SIGIRR: variants seen among roughly 807,000 people sequenced by gnomAD.
The protein encoded by SIGIRR is single Ig and TIR domain containing.
In SIGIRR, 41 loss-of-function variants were observed where a neutral mutation model predicts 45.6. The ratio of observed to expected loss-of-function variants is 0.90; its 90% CI spans 0.70 to 1.17. The LOEUF is 1.17. Ranked by LOEUF, SIGIRR falls within the 50% of genes most tolerant of loss-of-function variation. The pLI, the probability that SIGIRR is intolerant of heterozygous loss-of-function variation, is 0.00. For synonymous variants in SIGIRR, 298 were observed against 239.0 expected (o/e 1.25, Z -2.28); for missense variants, 599 against 539.6 (o/e 1.11, Z -1.09).
Position 410,157 on chromosome 11 carries a change from G to A in SIGIRR, c.-153-130C>T, listed in dbSNP as rs113457437. The A allele has an allele frequency of 1.1e-3, 913 of 816,706 alleles. 10 individuals are homozygous for A. In the African/African-American group the frequency reaches 0.015, roughly 13 times the overall value. The allele number at this position is 816,706 out of a possible 1,614,324, so 50.6% of individuals were successfully genotyped here. ...CCGCATGGATGCTGGCAGAGTTCTC[G>A]GAGGCCAGCAGGGTGTCTCTTTGAG... On this transcript the variant is annotated intron_variant, in intron 1 of 9. Coordinates refer to ENST00000431843, the MANE Select transcript of SIGIRR (RefSeq NM_001135054.2).
rs779810175 is a variant in SIGIRR at position 408,142 on chromosome 11, C to T, written c.271G>A (p.Glu91Lys). The T allele has an allele frequency of 3.0e-5, 49 of 1,612,694 alleles. No homozygotes were observed. Among genetic ancestry groups the T allele is most frequent in the Admixed American group, 5.0e-5 (3 of 60,004 alleles). The part of the protein sequence containing the change: ...SVLGVNVTST[E>K]VYGAFTCSIQ... ...GAGCAGGTGAAGGCCCCATAGACTT[C>T]AGTGCTGGTCACGTTGACCCCCAGG... is the stretch of plus-strand genomic sequence containing the variant. Residue 91 changes from glutamate to lysine, a missense_variant, in exon 4 of 10, where the codon GAA (glutamate) becomes AAA (lysine). Transcript: ENST00000431843.
At chr11:407,235 G>GCGCCGGAGGC (rs1468215197) in intron 6 of SIGIRR, 71 bp from the exon 7 acceptor site, 6 of 1,071,776 alleles carry the variant, frequency 5.6e-6, no homozygotes, top group East Asian at 6.6e-5. Context: ...CTCAGGGGCG[G>GCGCCGGAGGC]TGCCGGACGC....
chr11:414,898 T>G lies in SIGIRR; in HGVS notation c.-229A>C. The G allele has an allele frequency of 1.0e-6, 1 of 985,472 alleles. No homozygotes were observed. The highest frequency in any genetic ancestry group is 1.2e-6 in the Non-Finnish European group (1 of 829,946). The allele number at this position is 985,472 out of a possible 1,614,324, so 61.0% of individuals were successfully genotyped here. On this transcript the variant is annotated 5_prime_UTR_variant, in exon 1 of 10. Coordinates refer to ENST00000431843, the MANE Select transcript of SIGIRR (RefSeq NM_001135054.2). ...TTTGGGAGCAAACTCTCCCCTTCGC[T>G]GGGCCCCAGGGAGTGTCCACAGCAC...
upstream of SIGIRR, among the ~76,000 whole-genome samples, chr11:416,796 A>T (rs948272028): frequency 6.6e-6 from 1 of 151,698 alleles, no homozygotes; most frequent in Admixed American, 6.5e-5. This position sits in a 1 kb window ranked among gnomAD's most constrained non-coding sequence, Gnocchi z 9.1. Flanking sequence ...GGCGCCCTCC[A>T]AGTGAGGAGG....
chr11:406,781 C>T (rs1847328414), intron 8 of SIGIRR, 62 bp downstream of exon 8: 2 of 1,452,766 alleles, frequency 1.4e-6, no homozygotes, highest in South Asian at 2.8e-5. Flanking sequence ...CAGCCTGGAG[C>T]CCGGGCACCG....
upstream of SIGIRR, among the ~76,000 whole-genome samples, chr11:416,687 C>G (rs781399373): frequency 6.6e-6 from 1 of 152,104 alleles, no homozygotes; most frequent in African/African-American, 2.4e-5. This position sits in a 1 kb window ranked among gnomAD's most constrained non-coding sequence, Gnocchi z 9.1. Flanking sequence ...GCTGGGCCCC[C>G]AGCGCCTGTC....
rs1411799784 is a variant in SIGIRR at position 406,075 on chromosome 11, C to T, written c.1070-16G>A. On this transcript the variant is annotated splice_polypyrimidine_tract_variant and intron_variant, in intron 9 of 9. Transcript: ENST00000431843. ...CCCCGGACACCTGGGGTGGGGAGACCGAGACGCCTGAGGTGGCCACCCACA... is the reference window on the plus strand; with the variant it reads ...CCCCGGACACCTGGGGTGGGGAGACTGAGACGCCTGAGGTGGCCACCCACA... 8 of 1,557,258 alleles carry T rather than the reference C, an allele frequency of 5.1e-6. No individual in the cohort carries two copies. The highest frequency in any genetic ancestry group is 4.1e-5 in the African/African-American group (3 of 73,354).
upstream of SIGIRR, among the ~76,000 whole-genome samples, chr11:415,921 GGGCT>G (rs1847867799): frequency 6.6e-6 from 1 of 152,188 alleles, no homozygotes; most frequent in Non-Finnish European, 1.5e-5. The surrounding 1 kb of genome is among the most constrained non-coding windows in gnomAD (Gnocchi z 6.6). Context: ...TCATTGTGGA[GGGCT>G]GCCATCCAGC....
intron 1 of SIGIRR, among the ~76,000 whole-genome samples, chr11:413,700 C>T (rs1206703817): frequency 7.1e-6 from 1 of 141,752 alleles, no homozygotes; most frequent in Non-Finnish European, 1.5e-5. Context: ...TCCCTGCAAA[C>T]CCTCCCCTGC....
chr11:405,961 G>GA lies in SIGIRR; in HGVS notation c.1167dup (p.Leu390SerfsTer20). ...CGGGCACTGTAGTTTCGCGAGCCGA[G>GA]ATCCGAGACGTCCACTTCGCTGCTC... On this transcript the variant is annotated frameshift_variant, in exon 10 of 10. Transcript: ENST00000431843. LOFTEE classifies it high-confidence loss of function. The GA allele has an allele frequency of 1.2e-6, 2 of 1,612,366 alleles. No individual in the cohort carries two copies. The highest frequency in any genetic ancestry group is 8.5e-7 in the Non-Finnish European group (1 of 1,179,712).
intron 2 of SIGIRR, chr11:409,419 G>A (rs1271294588): frequency 7.7e-6 from 2 of 260,044 alleles, no homozygotes; most frequent in Non-Finnish European, 7.5e-6. Flanking sequence ...CCTCATTCCT[G>A]CCTTGGGGGT....
In SIGIRR at chr11:406,477, C is replaced by A. The variant is rs1446134964; in HGVS notation, c.941G>T (p.Arg314Met). The change falls in exon 9 of 10, where the codon AGG becomes ATG. Residue 314 changes from arginine to methionine, a missense_variant. Arg to Met is a moderately conservative substitution (Grantham distance 91, BLOSUM62 -1). Coordinates refer to ENST00000431843, the MANE Select transcript of SIGIRR (RefSeq NM_001135054.2). ...QLALPRKVQYRPVEGDPQTQL... is the reference protein window; with the variant it reads ...QLALPRKVQYMPVEGDPQTQL... ...CGTCTGGGGGTCTCCTTCCACAGGCCTGTACTGCACCTTCCGCGGCAGCGC... is the reference window on the plus strand; with the variant it reads ...CGTCTGGGGGTCTCCTTCCACAGGCATGTACTGCACCTTCCGCGGCAGCGC... 1 of 1,612,278 alleles carries A rather than the reference C, an allele frequency of 6.2e-7. No homozygotes were observed. Among genetic ancestry groups the A allele is most frequent in the Non-Finnish European group, 8.5e-7 (1 of 1,179,702 alleles).
chr11:413,890 C>G (rs1337494194), intron 1 of SIGIRR, among the ~76,000 whole-genome samples: 12 of 118,108 alleles, frequency 1.0e-4, no homozygotes, highest in East Asian at 5.9e-4. Context: ...CCTCTCCCCT[C>G]CCCACCTTCC....
chr11:408,121 A>G lies in SIGIRR; in HGVS notation c.292T>C (p.Cys98Arg). 1 of 1,612,816 alleles carries G rather than the reference A, an allele frequency of 6.2e-7. No individual in the cohort carries two copies. The highest frequency in any genetic ancestry group is 1.1e-5 in the South Asian group (1 of 91,088). Residue 98 changes from cysteine (C) to arginine (R), a missense_variant, in exon 4 of 10, where the codon TGC (cysteine) becomes CGC (arginine). Cys to Arg is a radical substitution (Grantham distance 180, BLOSUM62 -3). Transcript: ENST00000431843. ...GAGAAGCTGATGTTCTGGATGGAGC[A>G]GGTGAAGGCCCCATAGACTTCAGTG... Reference protein sequence around the residue: ...TSTEVYGAFTCSIQNISFSSF... With the variant: ...TSTEVYGAFTRSIQNISFSSF...
chr11:406,448 G>A lies in SIGIRR; in HGVS notation c.970C>T (p.Leu324=). Reference sequence around the variant, plus strand: ...AGCATGGGGTCCTTGTCGTCCTGCAGCTGCGTCTGGGGGTCTCCTTCCACA... The same window carrying A: ...AGCATGGGGTCCTTGTCGTCCTGCAACTGCGTCTGGGGGTCTCCTTCCACA... ...RPVEGDPQTQ[L]QDDKDPMLIL... Residue 324 remains leucine (L), a synonymous_variant, in exon 9 of 10, where the codon CTG becomes TTG. Transcript: ENST00000431843. 6.2e-7 allele frequency: 1 copy of A among 1,612,748 alleles called. No homozygotes were observed. Among genetic ancestry groups the A allele is most frequent in the Non-Finnish European group, 8.5e-7 (1 of 1,179,910 alleles).
chr11:415,207 CGTGTGTGTGTGTGTGTGTGTGT>C (rs71022908), upstream of SIGIRR, among the ~76,000 whole-genome samples: 88 of 144,578 alleles, frequency 6.1e-4, no homozygotes, highest in African/African-American at 1.9e-3. This position sits in a 1 kb window ranked among gnomAD's most constrained non-coding sequence, Gnocchi z 6.6. Flanking sequence ...CTCTGTGCAG[CGTGTGTGTGTGTGTGTGTGTGT>C]GTGTGTGTGT....
chr11:408,551 C>T (rs999695002), intron 3 of SIGIRR, 144 bp downstream of exon 3: 22 of 984,710 alleles, frequency 2.2e-5, no homozygotes, highest in African/African-American at 3.2e-5. Context: ...CCTGACATTA[C>T]TGACCCTCCG....
chr11:414,612 T>C (rs1847828350), intron 1 of SIGIRR, among the ~76,000 whole-genome samples: 1 of 152,118 alleles, frequency 6.6e-6, no homozygotes, highest in South Asian at 2.1e-4. Context: ...TTGCAACGCT[T>C]GTCACAGAGC....
intron 2 of SIGIRR, 106 bp downstream of exon 2, chr11:409,762 C>T: frequency 1.6e-6 from 2 of 1,257,046 alleles, no homozygotes; most frequent in Non-Finnish European, 1.0e-6. Flanking sequence ...GGCATGTGGC[C>T]AGGCAGAGTG....
Sources: allele counts gnomAD v4.1 joint callset (sites outside exome capture counted in the v4.1 genomes callset), GRCh38; gene constraint gnomAD v4.1.1; non-coding constraint Gnocchi (gnomAD v3.1); transcripts MANE v1.5; gene names NCBI Gene and HGNC (gene_info 2026-07-23, HGNC 2026-07-21).